The following ASXL3 variants were observed in gnomAD, a reference collection of about 807,000 sequenced individuals.
ASXL3 encodes ASXL transcriptional regulator 3, also known as putative Polycomb group protein ASXL3.
ASXL3 carries 34 observed loss-of-function variants against 170.6 expected under a neutral mutation model. That is an observed-to-expected ratio of 0.20 (90% CI 0.15 to 0.27). The LOEUF (loss-of-function observed/expected upper bound fraction) is 0.27. ASXL3 is among the 10% of genes least tolerant of loss of function. The pLI is 1.00. For missense variants in ASXL3, 2,592 were observed against 2,695.3 expected, an observed-to-expected ratio of 0.96 and a Z score of 0.85; for synonymous variants, 1,002 against 989.1, an observed-to-expected ratio of 1.01 and a Z score of -0.24.
chr18:33,591,742 C>T (rs1470449375), intron 1 of ASXL3, among the ~76,000 whole-genome samples: 1 of 151,742 alleles, frequency 6.6e-6, no homozygotes, highest in Non-Finnish European at 1.5e-5. Context: ...CCTGGGTTCA[C>T]ACCCTTCTGT....
chr18:33,684,092 A>G (rs545630480), intron 8 of ASXL3, among the ~76,000 whole-genome samples: 35 of 152,292 alleles, frequency 2.3e-4, no homozygotes, highest in African/African-American at 7.5e-4. Flanking sequence ...GTATTTTTAT[A>G]TTTTTGAAAA....
At chr18:33,694,605 CT>C (rs1050791173) in intron 8 of ASXL3, among the ~76,000 whole-genome samples, 37 of 146,850 alleles carry the variant, frequency 2.5e-4, no homozygotes, top group South Asian at 8.7e-4. Flanking sequence ...GTTGTGCCTG[CT>C]TTTTTTTTTG....
intron 8 of ASXL3, among the ~76,000 whole-genome samples, chr18:33,726,278 C>G (rs1389222781): frequency 1.3e-5 from 2 of 152,136 alleles, no homozygotes; most frequent in Non-Finnish European, 1.5e-5. Context: ...CAGAACCTAA[C>G]CATTTCACGC....
chr18:33,689,571 A>G (rs1420385944), intron 8 of ASXL3, among the ~76,000 whole-genome samples: 1 of 152,180 alleles, frequency 6.6e-6, no homozygotes, highest in African/African-American at 2.4e-5. Context: ...GTTATAAACC[A>G]ATTTGAGTTT....
chr18:33,644,470 G>GT (rs1477841853), intron 2 of ASXL3, among the ~76,000 whole-genome samples: 1 of 148,224 alleles, frequency 6.7e-6, no homozygotes, highest in Admixed American at 6.7e-5. Context: ...AACTTGGTGG[G>GT]TTTTTTTGTT....
In ASXL3 at chr18:33,744,594, G is replaced by A. The variant is rs772350129; in HGVS notation, c.4746G>A (p.Gln1582=). 1 of 1,610,050 alleles carries A rather than the reference G, an allele frequency of 6.2e-7. No homozygotes were observed. Among genetic ancestry groups the A allele is most frequent in the East Asian group, 2.2e-5 (1 of 44,806 alleles). ...CTCCCAGTCATAACTTTGCTGAGCA[G>A]GCACGTGGCCCAGCTCCTTTCAAAA... ...PTAPSHNFAE[Q]ARGPAPFKSE... is the part of the protein sequence containing the mutation. Residue 1582 remains glutamine (Q), a synonymous_variant, in exon 12 of 12, where the codon CAG becomes CAA. Coordinates refer to ENST00000269197, the MANE Select transcript of ASXL3 (RefSeq NM_030632.3).
rs2067767791 is a variant in ASXL3, at chr18:33,745,623, C to A, written c.5775C>A (p.Thr1925=). The A allele has an allele frequency of 6.2e-7, 1 of 1,613,854 alleles. No individual in the cohort carries two copies. Among genetic ancestry groups the A allele is most frequent in the African/African-American group, 1.3e-5 (1 of 74,918 alleles). Residue 1925 remains threonine, a synonymous_variant, in exon 12 of 12, where the codon ACC becomes ACA. Transcript: ENST00000269197. ...KNGGFHTDAG[T]SHRQQFYQMP... is the part of the protein sequence containing the mutation. Reference sequence around the variant, plus strand: ...GCGGCTTCCACACTGACGCTGGTACCTCACACAGACAGCAGTTTTACCAAA... The same window carrying A: ...GCGGCTTCCACACTGACGCTGGTACATCACACAGACAGCAGTTTTACCAAA...
chr18:33,619,954 G>T (rs2065483993), intron 2 of ASXL3, among the ~76,000 whole-genome samples: 2 of 152,040 alleles, frequency 1.3e-5, no homozygotes, highest in Admixed American at 1.3e-4. Flanking sequence ...AGAAAAGGAG[G>T]CCTGAATGAA....
Position 33,743,668 on chromosome 18 carries a change from A to G in ASXL3, c.3820A>G (p.Ile1274Val), listed in dbSNP as rs1157498821. The stretch of plus-strand genomic sequence containing the variant: ...GTCTGTTGACAGTGCAAACACTACA[A>G]TTTCTGCTTGTAATATAAGCATGTT... ...LMSVDSANTT[I>V]SACNISMLKT... Residue 1274 changes from isoleucine (I) to valine (V), a missense_variant, in exon 12 of 12, where the codon ATT becomes GTT. By Grantham distance (29) the Ile-to-Val change is conservative. Transcript: ENST00000269197. The G allele has an allele frequency of 6.2e-7, 1 of 1,613,862 alleles. No individual in the cohort carries two copies. Among genetic ancestry groups the G allele is most frequent in the Admixed American group, 1.7e-5 (1 of 60,032 alleles).
In ASXL3 at chr18:33,746,342, A is replaced by G. The variant is rs1228383508; in HGVS notation, c.6494A>G (p.Lys2165Arg). 6.2e-7 allele frequency: 1 copy of G among 1,613,886 alleles called. No homozygotes were observed. The highest frequency in any genetic ancestry group is 1.3e-5 in the African/African-American group (1 of 74,934). ...PTIHFGSTSF[K>R]RAASAIEKSI... ...ATACACTTTGGTAGCACGAGTTTCA[A>G]AAGGGCAGCATCTGCAATTGAAAAG... The change falls in exon 12 of 12, where the codon AAA becomes AGA. Residue 2165 changes from lysine to arginine, a missense_variant. Physicochemically the swap from Lys to Arg is conservative, Grantham distance 26. Coordinates refer to ENST00000269197, the MANE Select transcript of ASXL3 (RefSeq NM_030632.3).
chr18:33,603,218 A>T (rs1012900180), intron 1 of ASXL3, among the ~76,000 whole-genome samples: 1 of 152,104 alleles, frequency 6.6e-6, no homozygotes, highest in Non-Finnish European at 1.5e-5. Flanking sequence ...AGAGATACTT[A>T]GAATGAGTTT....
chr18:33,599,990 A>G (rs1182198502), intron 1 of ASXL3, among the ~76,000 whole-genome samples: 1 of 152,100 alleles, frequency 6.6e-6, no homozygotes, highest in Non-Finnish European at 1.5e-5. Context: ...TGATTTTCCC[A>G]TATTCTATTT....
intron 1 of ASXL3, among the ~76,000 whole-genome samples, chr18:33,589,952 A>T (rs1054149846): frequency 1.3e-5 from 2 of 152,032 alleles, no homozygotes; most frequent in Non-Finnish European, 1.5e-5. Flanking sequence ...TGAGATTTAG[A>T]GTGTGTATTA....
Position 33,696,882 on chromosome 18 carries a change from A to G in ASXL3, c.879+13314A>G, listed in dbSNP as rs199865812. Reference sequence around the variant, plus strand: ...CATATGGGTAAAATGTTATTTGTTAAAGAATCAATCTCTGCTCCTCACAAG... The same window carrying G: ...CATATGGGTAAAATGTTATTTGTTAGAGAATCAATCTCTGCTCCTCACAAG... On this transcript the variant is annotated intron_variant, in intron 8 of 11. Transcript: ENST00000269197. Among the ~76,000 whole-genome samples the G allele has an allele frequency of 1.1e-4, 16 of 152,294 alleles. No homozygotes were observed. In the East Asian group the frequency reaches 2.9e-3, roughly 28 times the overall value.
intron 7 of ASXL3, among the ~76,000 whole-genome samples, chr18:33,682,611 A>C (rs1373895969): frequency 6.6e-6 from 1 of 152,130 alleles, no homozygotes; most frequent in East Asian, 1.9e-4. Context: ...GCAGTGGCGC[A>C]GTCATGGCTC....
intron 7 of ASXL3, among the ~76,000 whole-genome samples, chr18:33,672,179 G>T (rs2066353503): frequency 6.6e-6 from 1 of 152,114 alleles, no homozygotes; most frequent in Non-Finnish European, 1.5e-5. Flanking sequence ...TTTTGTCTGT[G>T]CAACTAGGTT....
chr18:33,619,299 A>T (rs925773008), intron 2 of ASXL3, among the ~76,000 whole-genome samples: 5 of 152,104 alleles, frequency 3.3e-5, no homozygotes, highest in Non-Finnish European at 5.9e-5. Context: ...TATCGAGTAA[A>T]CACTCCCCTA....
intron 2 of ASXL3, among the ~76,000 whole-genome samples, chr18:33,612,452 T>C (rs2065350413): frequency 6.6e-6 from 1 of 152,156 alleles, no homozygotes; most frequent in Non-Finnish European, 1.5e-5. Flanking sequence ...TTTCATGATG[T>C]AGAACATGCA....
At chr18:33,734,044 T>TTCTTCTAAAGCATTTA (rs2067500216) in intron 9 of ASXL3, among the ~76,000 whole-genome samples, 8 of 84,932 alleles carry the variant, frequency 9.4e-5, no homozygotes, top group Admixed American at 2.5e-4. Context: ...ATTTGCTAAA[T>TTCTTCTAAAGCATTTA]GCTTTAGCAT....
Sources: gnomAD v4.1 joint callset for allele counts (sites outside exome capture counted in the v4.1 genomes callset) on GRCh38, gnomAD v4.1.1 for gene constraint, MANE v1.5 for transcripts, NCBI Gene and HGNC (gene_info 2026-07-23, HGNC 2026-07-21) for gene names.